Variants in RALGDS observed in about 807,000 individuals in gnomAD.
The protein encoded by RALGDS is ral guanine nucleotide dissociation stimulator.
In RALGDS, 44 loss-of-function variants were observed where a neutral mutation model predicts 99.8. The ratio of observed to expected loss-of-function variants is 0.44; its 90% confidence interval spans 0.35 to 0.57. The LOEUF (loss-of-function observed/expected upper bound fraction) is 0.57. Ranked by LOEUF, RALGDS falls within the 20% of genes least tolerant of loss-of-function variation. The pLI, the probability that RALGDS is intolerant of heterozygous loss-of-function variation, is 0.01. For synonymous variants in RALGDS, 529 were observed against 505.0 expected, an observed-to-expected ratio of 1.05 and a Z score of -0.64; for missense variants, 1,022 against 1,203.1, an observed-to-expected ratio of 0.85 and a Z score of 2.23.
chr9:133,145,833 A>G (rs935044227), intron 1 of RALGDS, among the ~76,000 whole-genome samples: 28 of 152,334 alleles, frequency 1.8e-4, no homozygotes, highest in Admixed American at 1.4e-3. Flanking sequence ...GTGAGACAAT[A>G]CTACAAAACC....
chr9:133,144,680 GC>G lies in RALGDS; in HGVS notation c.18+4282del, dbSNP rs1588575234. On this transcript the variant is annotated intron_variant, in intron 1 of 17. Coordinates refer to the RALGDS transcript ENST00000393160. This position sits in a 1 kb window ranked among gnomAD's most constrained non-coding sequence, Gnocchi z 4.5. Reference sequence around the variant, plus strand: ...ACGCCCCCACACCCCCTGGCTGGGGGCTGGGTTCCTGCGATGTCTTCCGACT... The same window carrying G: ...ACGCCCCCACACCCCCTGGCTGGGGGTGGGTTCCTGCGATGTCTTCCGACT... Among the ~76,000 whole-genome samples the G allele has an allele frequency of 6.6e-6, 1 of 152,232 alleles. No homozygotes were observed. The highest frequency in any genetic ancestry group is 2.4e-5 in the African/African-American group (1 of 41,464).
intron 1 of RALGDS, among the ~76,000 whole-genome samples, chr9:133,114,260 C>G (rs1213104301): frequency 6.6e-6 from 1 of 152,206 alleles, no homozygotes; most frequent in Non-Finnish European, 1.5e-5. Context: ...CGCTCTAGCC[C>G]GCGTGGAGCT....
At chr9:133,139,803 C>T (rs1036259386) in intron 1 of RALGDS, among the ~76,000 whole-genome samples, 1 of 152,196 alleles carries the variant, frequency 6.6e-6, no homozygotes, top group Non-Finnish European at 1.5e-5. Context: ...CTGCCATCTG[C>T]GGAGGGCCTG....
At chr9:133,129,000 C>T in intron 1 of RALGDS, 1 of 1,071,470 alleles carries the variant, frequency 9.3e-7, no homozygotes. Flanking sequence ...TGAAGACTCC[C>T]CTGTGAGTTC....
chr9:133,102,023 A>G lies in RALGDS; in HGVS notation c.2126T>C (p.Val709Ala), dbSNP rs1830782531. 1.3e-6 allele frequency: 2 copies of G among 1,554,256 alleles called. No homozygotes were observed. The highest frequency in any genetic ancestry group is 2.4e-5 in the South Asian group (2 of 84,294). The change falls in exon 15 of 18, where the codon GTG becomes GCG. Residue 709 changes from valine (V) to alanine (A), a missense_variant. By Grantham distance (64) the Val-to-Ala change is moderately conservative. Transcript: ENST00000372050. ...SSGDIADALS[V>A]HSAGSSSSDV... ...GGAGCTAGAGGAGCCGGCCGAGTGC[A>G]CGCTGAGCGCGTCAGCGATGTCCCC...
chr9:133,143,929 C>T (rs1309919768), intron 1 of RALGDS, among the ~76,000 whole-genome samples: 1 of 151,816 alleles, frequency 6.6e-6, no homozygotes, highest in Non-Finnish European at 1.5e-5. Flanking sequence ...GGGACCTGAC[C>T]CCTGCTCCTC....
chr9:133,108,507 C>G, intron 5 of RALGDS, 101 bp from the exon 6 acceptor site: 1 of 1,434,456 alleles, frequency 7.0e-7, no homozygotes, highest in Middle Eastern at 2.2e-4. Flanking sequence ...TCCCCGAACC[C>G]ACAAAACGTG....
In RALGDS at chr9:133,111,942, G is replaced by A. The variant is rs892598530; in HGVS notation, c.294+100C>T. 40 of 898,396 alleles carry A rather than the reference G, an allele frequency of 4.5e-5. No individual in the cohort carries two copies. The African/African-American group carries it at 5.1e-4, about 11-fold the overall frequency. The allele number at this position is 898,396 out of a possible 1,614,324, so 55.7% of individuals were successfully genotyped here. A position where few individuals can be genotyped will look rare whatever the true frequency, so the allele number is the denominator to read the frequency against. Reference sequence around the variant, plus strand: ...CAGTGGGGGTCGGGAAGGGAGTGAAGGCCGTTTCCTTTGGGATCAGAACTG... The same window carrying A: ...CAGTGGGGGTCGGGAAGGGAGTGAAAGCCGTTTCCTTTGGGATCAGAACTG... On this transcript the variant is annotated intron_variant, in intron 2 of 17. Coordinates refer to ENST00000372050, the MANE Select transcript of RALGDS (RefSeq NM_006266.4).
At chr9:133,148,584 A>C (rs1233917340) in intron 1 of RALGDS, among the ~76,000 whole-genome samples, 1 of 152,230 alleles carries the variant, frequency 6.6e-6, no homozygotes, top group African/African-American at 2.4e-5. Context: ...ATGTATGCGC[A>C]GGCCTGCGCC....
chr9:133,103,718 C>T (rs775822400), intron 11 of RALGDS, 29 bp downstream of exon 11: 3 of 1,609,382 alleles, frequency 1.9e-6, no homozygotes, highest in Non-Finnish European at 2.5e-6. Context: ...CCTCCCGGGC[C>T]CTACTCCAGC....
At chr9:133,122,956 G>A (rs1247359147), upstream of RALGDS, among the ~76,000 whole-genome samples, 2 of 152,042 alleles carry the variant, frequency 1.3e-5, no homozygotes, top group Admixed American at 6.5e-5. Context: ...CGCTCGCCTC[G>A]GCCTCCCAAA....
At position 133,101,630 on chromosome 9, in the gene RALGDS, G is replaced by T; in HGVS notation, c.2344C>A (p.Leu782Ile). Residue 782 changes from leucine (L) to isoleucine (I), a missense_variant, in exon 16 of 18, where the codon CTC (leucine) becomes ATC (isoleucine). This residue lies in a region of RALGDS where 825 missense variants were observed against 994.5 expected (regional missense o/e 0.83). Transcript: ENST00000372050. ...TRTHKRSVSG[L>I]CNSSSALPLY... ...GGCAGCGCGGAGCTGGAGTTGCAGA[G>T]CCCTGAGACAGAGCGCTTGTGGGTG... The T allele has an allele frequency of 6.2e-6, 10 of 1,613,674 alleles. No individual in the cohort carries two copies. Among genetic ancestry groups the T allele is most frequent in the Non-Finnish European group, 8.5e-6 (10 of 1,180,038 alleles).
Position 133,104,299 on chromosome 9 carries a change from C to T in RALGDS, c.1635G>A (p.Met545Ile). 1 of 1,613,976 alleles carries T rather than the reference C, an allele frequency of 6.2e-7. No individual in the cohort carries two copies. The highest frequency in any genetic ancestry group is 8.5e-7 in the Non-Finnish European group (1 of 1,179,904). The change falls in exon 10 of 18, where the codon ATG (methionine) becomes ATA (isoleucine). Residue 545 changes from methionine (M) to isoleucine (I), a missense_variant. Physicochemically the swap from Met to Ile is conservative, Grantham distance 10. Transcript: ENST00000372050. ...EGTSKFATLE[M>I]NPKRAQKRPK... ...GCCGTTTCTGGGCTCTCTTGGGGTT[C>T]ATCTCCAGGGTGGCAAACTTGGAGG...
intron 1 of RALGDS, among the ~76,000 whole-genome samples, chr9:133,139,026 G>T (rs985565765): frequency 2.0e-5 from 3 of 152,102 alleles, no homozygotes; most frequent in Non-Finnish European, 4.4e-5. Context: ...CACCAGCCAT[G>T]TGTCCCCACA....
chr9:133,108,336 G>A lies in RALGDS; in HGVS notation c.849C>T (p.Pro283=). ...LELALTPARA[P]SPVPAPAPEP... ...CCGGGGCTGGAGCCGGCACTGGGCT[G>A]GGTGCTCGAGCTGGTGTTAGAGCTA... The change falls in exon 6 of 18, where the codon CCC becomes CCT. Residue 283 remains proline (P), a synonymous_variant. Coordinates refer to ENST00000372050, the MANE Select transcript of RALGDS (RefSeq NM_006266.4). The A allele has an allele frequency of 6.5e-7, 1 of 1,542,216 alleles. No homozygotes were observed. Among genetic ancestry groups the A allele is most frequent in the Non-Finnish European group, 8.7e-7 (1 of 1,147,026 alleles).
At chr9:133,127,305 G>A (rs1832192189) in intron 1 of RALGDS, among the ~76,000 whole-genome samples, 1 of 152,260 alleles carries the variant, frequency 6.6e-6, no homozygotes, top group Non-Finnish European at 1.5e-5. Context: ...CAGTGACTGG[G>A]TGACTGTGGC....
Position 133,101,647 on chromosome 9 carries a change from TTGTGGGTGCG to T in RALGDS, c.2317_2326del (p.Arg773SerfsTer44), listed in dbSNP as rs1379220784. On this transcript the variant is annotated frameshift_variant, in exon 16 of 18. Transcript: ENST00000372050. LOFTEE classifies it high-confidence loss of function. ...GTTGCAGAGCCCTGAGACAGAGCGC[TTGTGGGTGCG>T]TGTGGCAGCCACGGGCGTGGTGGAG... 6.2e-7 allele frequency: 1 copy of T among 1,613,784 alleles called. No individual in the cohort carries two copies. Among genetic ancestry groups the T allele is most frequent in the African/African-American group, 1.3e-5 (1 of 74,954 alleles).
chr9:133,115,054 T>C (rs1831530733), intron 1 of RALGDS, among the ~76,000 whole-genome samples: 1 of 152,174 alleles, frequency 6.6e-6, no homozygotes, highest in Non-Finnish European at 1.5e-5. Flanking sequence ...GCCGTGTCCC[T>C]GGCTGACAGA....
chr9:133,103,309 A>G lies in RALGDS; in HGVS notation c.1759-47T>C, dbSNP rs1364379654. 1.2e-5 allele frequency: 20 copies of G among 1,610,790 alleles called. 1 individual carries two copies. The East Asian group carries it at 4.5e-4, about 36-fold the overall frequency. On this transcript the variant is annotated intron_variant, in intron 11 of 17. Coordinates refer to ENST00000372050, the MANE Select transcript of RALGDS (RefSeq NM_006266.4). ...GCCGTCAGAAAGTGACCCCTTGACC[A>G]TTACAGTCTCCCCACCTCATGCTGC...
Sources: gnomAD v4.1 joint callset for allele counts (sites outside exome capture counted in the v4.1 genomes callset) on GRCh38, gnomAD v4.1.1 for gene constraint, gnomAD v4.1.1 regional missense constraint, Gnocchi (gnomAD v3.1) non-coding constraint, MANE v1.5 for transcripts, NCBI Gene and HGNC (gene_info 2026-07-23, HGNC 2026-07-21) for gene names.